PSIP1: variants seen among roughly 807,000 people sequenced by gnomAD.
PSIP1 encodes the protein PC4 and SRSF1 interacting protein 1, also known as PC4 and SFRS1-interacting protein.
PSIP1 carries 19 observed loss-of-function variants against 74.7 expected under a neutral mutation model. That is an observed-to-expected ratio of 0.25 (90% CI 0.18 to 0.37). The LOEUF is 0.37. Ranked by LOEUF, PSIP1 falls within the 10% of genes least tolerant of loss-of-function variation. The pLI is 1.00. For missense variants in PSIP1, 601 were observed against 614.3 expected (o/e 0.98, Z 0.23); for synonymous variants, 222 against 195.3 (o/e 1.14, Z -1.14).
intron 10 of PSIP1, chr9:15,470,955 A>C (rs1020425490): frequency 7.0e-6 from 8 of 1,150,418 alleles, no homozygotes; most frequent in Non-Finnish European, 8.6e-6. Context: ...AAAAAAAAAA[A>C]AAACAGGAAT....
At position 15,464,103 on chromosome 9, in the gene PSIP1, C is replaced by G. The variant is rs1036328070; in HGVS notation, c.*1417G>C. 2.2e-5 allele frequency: 4 copies of G among 179,586 alleles called. No individual in the cohort carries two copies. In the East Asian group the frequency reaches 3.7e-4, roughly 17 times the overall value. The allele number at this position is 179,586 out of a possible 1,614,324, so 11.1% of individuals were successfully genotyped here. A position where few individuals can be genotyped will look rare whatever the true frequency, so the allele number is the denominator to read the frequency against. On this transcript the variant is annotated 3_prime_UTR_variant, in exon 16 of 16. Transcript: ENST00000380733. Reference sequence around the variant, plus strand: ...ATTCTTTAATGAAAACAAGTTTACACGTTGAACTTATGGCTTAACTAGAAT... The same window carrying G: ...ATTCTTTAATGAAAACAAGTTTACAGGTTGAACTTATGGCTTAACTAGAAT...
rs767381479 is a variant in PSIP1 at position 15,469,945 on chromosome 9, C to A, written c.1026G>T (p.Lys342Asn). ...GKKPEVKKVE[K>N]KRETSMDSRL... ...GAAAGTGAAATAACTAACCTCGCTT[C>A]TTCTCCACTTTCTTAACTTCTGGCT... The change falls in exon 11 of 16, where the codon AAG (lysine) becomes AAT (asparagine). Residue 342 changes from lysine (K) to asparagine (N), a missense_variant. By Grantham distance (94) the Lys-to-Asn change is moderately conservative. This residue lies in a region of PSIP1 where 538 missense variants were observed against 507.6 expected (regional missense o/e 1.06). Coordinates refer to ENST00000380733, the MANE Select transcript of PSIP1 (RefSeq NM_033222.5). The A allele has an allele frequency of 6.2e-7, 1 of 1,607,312 alleles. No homozygotes were observed. Among genetic ancestry groups the A allele is most frequent in the Non-Finnish European group, 8.5e-7 (1 of 1,177,456 alleles).
At chr9:15,490,342 C>T (rs578057622) in intron 3 of PSIP1, among the ~76,000 whole-genome samples, 6 of 152,270 alleles carry the variant, frequency 3.9e-5, no homozygotes, top group Admixed American at 6.5e-5. Flanking sequence ...AAACCACAGA[C>T]GTTGCACAAT....
At chr9:15,472,882 AAT>A in intron 9 of PSIP1, 132 bp from the exon 10 acceptor site, 1 of 801,966 alleles carries the variant, frequency 1.2e-6, no homozygotes, top group Non-Finnish European at 2.0e-6. Flanking sequence ...GCAACCTAAA[AAT>A]AGTCTTTGAA....
intron 4 of PSIP1, among the ~76,000 whole-genome samples, chr9:15,489,746 C>CTGAT (rs912504664): frequency 3.9e-4 from 60 of 151,916 alleles, no homozygotes; most frequent in Non-Finnish European, 7.9e-4. Context: ...ATTAAACCCT[C>CTGAT]TATCAGGAGT....
At chr9:15,470,700 T>C (rs764936328) in intron 10 of PSIP1, 4 of 935,712 alleles carry the variant, frequency 4.3e-6, no homozygotes, top group Non-Finnish European at 5.1e-6. Flanking sequence ...ACAAGTCTAC[T>C]ACTGTTTAAT....
chr9:15,504,647 G>A (rs189538625), intron 3 of PSIP1, among the ~76,000 whole-genome samples: 2,050 of 151,860 alleles, frequency 0.013, 40 homozygotes, highest in African/African-American at 0.047. Flanking sequence ...TGAGGCAGGA[G>A]AATGGCGTGA....
chr9:15,486,203 A>G lies in PSIP1; in HGVS notation c.394-135T>C, dbSNP rs1587498869. The stretch of plus-strand genomic sequence containing the variant: ...CTGTTTTGCTCTGTAGAGTTCTGAA[A>G]TTAAAAACATTGTGTCTCAACATTA... On this transcript the variant is annotated intron_variant, in intron 5 of 15. Transcript: ENST00000380733. The G allele has an allele frequency of 9.8e-6, 6 of 614,876 alleles. No individual in the cohort carries two copies. In the East Asian group the frequency reaches 1.7e-4, roughly 18 times the overall value. The allele number at this position is 614,876 out of a possible 1,614,324, so 38.1% of individuals were successfully genotyped here.
At chr9:15,498,396 A>G (rs2037181486) in intron 3 of PSIP1, among the ~76,000 whole-genome samples, 1 of 152,152 alleles carries the variant, frequency 6.6e-6, no homozygotes, top group Admixed American at 6.6e-5. Context: ...AGCCTGGGTG[A>G]CAGAGTGAGG....
chr9:15,470,170 T>G (rs1205429577), intron 10 of PSIP1, among the ~76,000 whole-genome samples, 177 bp from the exon 11 acceptor site: 1 of 150,218 alleles, frequency 6.7e-6, no homozygotes, highest in Non-Finnish European at 1.5e-5. Flanking sequence ...TAAGCAAAAC[T>G]CTAATTAACA....
At position 15,506,473 on chromosome 9, in the gene PSIP1, G is replaced by T. The variant is rs974610529; in HGVS notation, c.149+88C>A. 5 of 931,116 alleles carry T rather than the reference G, an allele frequency of 5.4e-6. No homozygotes were observed. The South Asian group carries it at 8.3e-5, about 15-fold the overall frequency. 57.7% of individuals were successfully genotyped at this position (931,116 alleles called of 1,614,324 possible). On this transcript the variant is annotated intron_variant, in intron 3 of 15. Coordinates refer to ENST00000380733, the MANE Select transcript of PSIP1 (RefSeq NM_033222.5). ...CAAAGATTTTAAAGTTTCCTATTAC[G>T]TTACGATTTCCCCCTTGAATTAATG...
chr9:15,507,142 G>A (rs1278507511), intron 2 of PSIP1, among the ~76,000 whole-genome samples: 1 of 152,192 alleles, frequency 6.6e-6, no homozygotes. Flanking sequence ...CCCAAAGTCT[G>A]AAAAACTTAC....
At chr9:15,510,599 G>C (rs920329511) in intron 1 of PSIP1, among the ~76,000 whole-genome samples, 1 of 152,052 alleles carries the variant, frequency 6.6e-6, no homozygotes, top group African/African-American at 2.4e-5. Context: ...CCGAGCTTAA[G>C]CCCCAAAAGG....
At chr9:15,468,009 A>C (rs894937915) in intron 14 of PSIP1, among the ~76,000 whole-genome samples, 9 of 151,474 alleles carry the variant, frequency 5.9e-5, no homozygotes, top group Admixed American at 5.9e-4. Context: ...AATCCCAGCT[A>C]CTCTGGAGGT....
At chr9:15,478,695 AT>A (rs1236857238) in intron 7 of PSIP1, 143 bp from the exon 8 acceptor site, 2 of 559,302 alleles carry the variant, frequency 3.6e-6, no homozygotes, top group Admixed American at 6.7e-5. Context: ...AATTGAAAAA[AT>A]AATACCTCCC....
intron 14 of PSIP1, 82 bp downstream of exon 14, chr9:15,468,548 T>A (rs2035725158): frequency 7.0e-7 from 1 of 1,428,390 alleles, no homozygotes; most frequent in Non-Finnish European, 9.9e-7. Context: ...ACAGTGAAAC[T>A]ATGTATGAAA....
At chr9:15,497,131 A>G (rs773250882) in intron 3 of PSIP1, among the ~76,000 whole-genome samples, 33 of 152,218 alleles carry the variant, frequency 2.2e-4, no homozygotes, top group Non-Finnish European at 4.0e-4. Flanking sequence ...TATTCATAAA[A>G]GCCAAAAGTA....
intron 6 of PSIP1, among the ~76,000 whole-genome samples, chr9:15,484,940 C>T (rs1370277392): frequency 6.7e-6 from 1 of 148,516 alleles, no homozygotes; most frequent in East Asian, 2.0e-4. Context: ...AAAAATTAGC[C>T]GGGTATGGTG....
At chr9:15,483,792 G>A (rs530081506) in intron 6 of PSIP1, among the ~76,000 whole-genome samples, 16 of 152,266 alleles carry the variant, frequency 1.1e-4, no homozygotes, top group Non-Finnish European at 2.1e-4. Context: ...AGGAGTTCAA[G>A]ACCTGGCTGA....
Sources: allele counts gnomAD v4.1 joint callset (sites outside exome capture counted in the v4.1 genomes callset), GRCh38; gene constraint gnomAD v4.1.1; regional missense constraint gnomAD v4.1.1; transcripts MANE v1.5; gene names NCBI Gene and HGNC (gene_info 2026-07-23, HGNC 2026-07-21).